The following CDH19 variants were observed in gnomAD, a reference collection of about 807,000 sequenced individuals.
The protein encoded by CDH19 is cadherin 19, also known as cadherin-19.
In CDH19, 67 loss-of-function variants were observed where a neutral mutation model predicts 64.2. The observed-to-expected ratio is 1.04, with a 90% CI of 0.86 to 1.28. CDH19 has a LOEUF of 1.28. Among genes scored for constraint, CDH19 ranks in the 50% most tolerant of loss-of-function variants. The pLI is 0.00. For synonymous variants in CDH19, 346 were observed against 319.3 expected (o/e 1.08, Z -0.89); for missense variants, 1,030 against 929.0 (o/e 1.11, Z -1.41).
intron 1 of CDH19, among the ~76,000 whole-genome samples, chr18:66,584,351 G>A (rs548756474): frequency 5.9e-5 from 9 of 152,130 alleles, no homozygotes; most frequent in African/African-American, 1.4e-4. Flanking sequence ...ACAGATGCTG[G>A]TAAGGTTGAA....
At chr18:66,603,852 A>C (rs1989096479) in intron 1 of CDH19, 102 bp downstream of exon 1, 2 of 152,118 alleles carry the variant, frequency 1.3e-5, no homozygotes, top group Non-Finnish European at 2.9e-5. Flanking sequence ...TAATATTTTT[A>C]GAATATTTTC....
chr18:66,579,589 T>C (rs1988366052), intron 1 of CDH19, among the ~76,000 whole-genome samples: 1 of 152,042 alleles, frequency 6.6e-6, no homozygotes, highest in Non-Finnish European at 1.5e-5. Context: ...AAAATTGATC[T>C]AGTTTATTTG....
intron 5 of CDH19, among the ~76,000 whole-genome samples, chr18:66,550,784 G>A (rs1366616432): frequency 6.6e-6 from 1 of 151,972 alleles, no homozygotes; most frequent in Non-Finnish European, 1.5e-5. Flanking sequence ...AAATGAACTA[G>A]GATCCTACAG....
chr18:66,584,188 T>C (rs918875267), intron 1 of CDH19, among the ~76,000 whole-genome samples: 3 of 151,730 alleles, frequency 2.0e-5, no homozygotes, highest in Non-Finnish European at 2.9e-5. Flanking sequence ...AGTAGGCAAA[T>C]ACATGAACAG....
chr18:66,546,849 T>C (rs922418833), intron 5 of CDH19, among the ~76,000 whole-genome samples: 2 of 151,796 alleles, frequency 1.3e-5, no homozygotes, highest in African/African-American at 4.9e-5. Context: ...AAAGAGAGGA[T>C]AATTGCCTGG....
chr18:66,548,199 A>G (rs925489607), intron 5 of CDH19, among the ~76,000 whole-genome samples: 4 of 146,860 alleles, frequency 2.7e-5, no homozygotes, highest in Non-Finnish European at 1.5e-5. Context: ...CCTAATATAC[A>G]CTTAACTGAG....
At chr18:66,564,463 T>C (rs1987832523) in intron 3 of CDH19, among the ~76,000 whole-genome samples, 1 of 151,870 alleles carries the variant, frequency 6.6e-6, no homozygotes, top group South Asian at 2.1e-4. Context: ...TTAAAAATGA[T>C]GCCCTCAGTG....
chr18:66,545,689 A>G (rs1401148750), intron 5 of CDH19, among the ~76,000 whole-genome samples: 3 of 152,156 alleles, frequency 2.0e-5, no homozygotes, highest in Non-Finnish European at 2.9e-5. Flanking sequence ...GTTACTGAAT[A>G]AATATACATG....
Position 66,544,760 on chromosome 18 carries a change from T to A in CDH19, c.919A>T (p.Thr307Ser). The A allele has an allele frequency of 1.2e-6, 2 of 1,611,614 alleles. No homozygotes were observed. The highest frequency in any genetic ancestry group is 1.7e-6 in the Non-Finnish European group (2 of 1,178,246). ...EDDSQTFDIITNHETQEGIVI... is the reference protein window; with the variant it reads ...EDDSQTFDIISNHETQEGIVI... ...ATTCCTTCTTGAGTTTCATGATTAG[T>A]AATAATGTCAAATGTTTGCGAATCA... Residue 307 changes from threonine (T) to serine (S), a missense_variant, in exon 6 of 12, where the codon ACT (threonine) becomes TCT (serine). Coordinates refer to ENST00000262150, the MANE Select transcript of CDH19 (RefSeq NM_021153.4).
At chr18:66,569,412 A>C (rs1423865958) in intron 2 of CDH19, among the ~76,000 whole-genome samples, 1 of 151,740 alleles carries the variant, frequency 6.6e-6, no homozygotes, top group South Asian at 2.1e-4. Flanking sequence ...CGAGGCTATC[A>C]AATCTTCTAT....
chr18:66,518,948 C>T (rs796514945), intron 9 of CDH19, among the ~76,000 whole-genome samples: 9 of 152,220 alleles, frequency 5.9e-5, no homozygotes, highest in African/African-American at 2.2e-4. Context: ...CTCTCAGACA[C>T]TTCATTCAGC....
intron 8 of CDH19, chr18:66,532,740 A>C (rs1188319185): frequency 2.2e-6 from 1 of 451,358 alleles, no homozygotes; most frequent in East Asian, 7.0e-5. Context: ...TAGGAGACTC[A>C]TTTTAGCAAC....
intron 1 of CDH19, among the ~76,000 whole-genome samples, chr18:66,581,376 TGATTG>T (rs1000744204): frequency 1.3e-5 from 2 of 152,070 alleles, no homozygotes; most frequent in Non-Finnish European, 2.9e-5. Context: ...GGTGTCAACT[TGATTG>T]GATTGAAGAA....
intron 8 of CDH19, among the ~76,000 whole-genome samples, chr18:66,530,647 T>C (rs1031737639): frequency 2.2e-5 from 2 of 90,808 alleles, no homozygotes; most frequent in Non-Finnish European, 4.2e-5. Flanking sequence ...ATCTTTCAAA[T>C]TGATATAAAA....
intron 1 of CDH19, among the ~76,000 whole-genome samples, chr18:66,597,081 C>CAAAAAA (rs35253366): frequency 4.2e-4 from 11 of 26,308 alleles, no homozygotes; most frequent in East Asian, 1.1e-3. Flanking sequence ...GACTCCATCT[C>CAAAAAA]AAAAAAAAAA....
At chr18:66,574,750 C>G (rs578124192) in intron 1 of CDH19, among the ~76,000 whole-genome samples, 115 of 151,730 alleles carry the variant, frequency 7.6e-4, no homozygotes, top group South Asian at 5.8e-3. Flanking sequence ...TTAAATTACT[C>G]AAAACCATTA....
chr18:66,583,194 T>C (rs991141373), intron 1 of CDH19, among the ~76,000 whole-genome samples: 1 of 152,082 alleles, frequency 6.6e-6, no homozygotes, highest in African/African-American at 2.4e-5. Flanking sequence ...CTCAGTGTTA[T>C]ACAAAAATAA....
intron 1 of CDH19, among the ~76,000 whole-genome samples, chr18:66,581,550 G>A (rs919553750): frequency 2.0e-5 from 3 of 152,060 alleles, no homozygotes; most frequent in Non-Finnish European, 4.4e-5. Flanking sequence ...CAAAGCAGGT[G>A]GAAGAAGGTG....
At chr18:66,595,777 A>C (rs1370811393) in intron 1 of CDH19, among the ~76,000 whole-genome samples, 1 of 152,136 alleles carries the variant, frequency 6.6e-6, no homozygotes, top group Non-Finnish European at 1.5e-5. Context: ...AACTATTTCA[A>C]AAATTTGAGG....
Sources: allele counts gnomAD v4.1 joint callset (sites outside exome capture counted in the v4.1 genomes callset), GRCh38; gene constraint gnomAD v4.1.1; transcripts MANE v1.5; gene names NCBI Gene and HGNC (gene_info 2026-07-23, HGNC 2026-07-21).